SORCS2: variants seen among roughly 807,000 people sequenced by gnomAD.
SORCS2 encodes sortilin related VPS10 domain containing receptor 2.
Under a neutral mutation model 141.6 loss-of-function variants are expected in SORCS2, and 100 were observed. That is an observed-to-expected ratio of 0.71 (90% CI 0.60 to 0.83). The LOEUF (loss-of-function observed/expected upper bound fraction) is 0.83. SORCS2 is among the 40% of genes least tolerant of loss of function. The pLI is 0.00. For synonymous variants in SORCS2, 789 were observed against 676.9 expected (o/e 1.17, Z -2.57); for missense variants, 1,646 against 1,560.2 (o/e 1.05, Z -0.93).
chr4:7,483,989 C>T (rs991648792), intron 2 of SORCS2, among the ~76,000 whole-genome samples: 1 of 152,210 alleles, frequency 6.6e-6, no homozygotes. Flanking sequence ...TTCAAATGCA[C>T]GTCTTCAAAG....
intron 2 of SORCS2, among the ~76,000 whole-genome samples, chr4:7,480,787 G>T (rs183881243): frequency 1.3e-5 from 2 of 152,250 alleles, no homozygotes; most frequent in Non-Finnish European, 2.9e-5. Flanking sequence ...CGCCAGGGCC[G>T]CAGGCCGGTG....
At chr4:7,305,726 C>T (rs866364176) in intron 1 of SORCS2, among the ~76,000 whole-genome samples, 22 of 152,186 alleles carry the variant, frequency 1.4e-4, no homozygotes, top group Non-Finnish European at 3.1e-4. Context: ...GAGACCTTCT[C>T]GATGCCGCTT....
At chr4:7,318,816 C>A (rs977810499) in intron 1 of SORCS2, among the ~76,000 whole-genome samples, 2 of 152,170 alleles carry the variant, frequency 1.3e-5, no homozygotes, top group African/African-American at 4.8e-5. Context: ...ATAATCATAT[C>A]AATACCATCA....
chr4:7,563,766 A>T (rs1280647413), intron 3 of SORCS2, among the ~76,000 whole-genome samples: 1 of 152,238 alleles, frequency 6.6e-6, no homozygotes, highest in Non-Finnish European at 1.5e-5. Context: ...TCAGAGAATC[A>T]TGCTTGTTTA....
rs1315026524 is a variant in SORCS2, at chr4:7,565,852, GGTGATGA to G, written c.648+34224_648+34230del. Among the ~76,000 whole-genome samples the G allele has an allele frequency of 2.4e-3, 356 of 150,148 alleles. 27 individuals are homozygous for G. The highest frequency in any genetic ancestry group is 8.9e-4 in the Non-Finnish European group (60 of 67,268). ...TGATGATGATGGTGATGGTGATGAT[GGTGATGA>G]TGGTGATGATGTGATGATGGAGATG... On this transcript the variant is annotated intron_variant, in intron 3 of 26. Coordinates refer to ENST00000507866, the MANE Select transcript of SORCS2 (RefSeq NM_020777.3).
At chr4:7,640,203 T>C (rs1720605550) in intron 4 of SORCS2, among the ~76,000 whole-genome samples, 2 of 147,682 alleles carry the variant, frequency 1.4e-5, no homozygotes, top group Admixed American at 1.4e-4. Flanking sequence ...AGTGTGAGTG[T>C]GTACATGTAT....
At chr4:7,393,529 A>G (rs923193762) in intron 1 of SORCS2, among the ~76,000 whole-genome samples, 3 of 152,204 alleles carry the variant, frequency 2.0e-5, no homozygotes, top group Admixed American at 2.0e-4. Context: ...CCTGGGATCA[A>G]ATTCTAGCTC....
At chr4:7,601,575 C>T (rs935449740) in intron 3 of SORCS2, among the ~76,000 whole-genome samples, 3 of 138,346 alleles carry the variant, frequency 2.2e-5, no homozygotes, top group Admixed American at 7.9e-5. Context: ...GCTGAGATCA[C>T]ACCACTGCAC....
intron 2 of SORCS2, among the ~76,000 whole-genome samples, chr4:7,490,119 T>G (rs993181600): frequency 2.0e-5 from 3 of 152,118 alleles, no homozygotes; most frequent in Admixed American, 2.0e-4. Context: ...CCTGGCTGGC[T>G]GGGGAGGGGT....
intron 1 of SORCS2, among the ~76,000 whole-genome samples, chr4:7,199,247 G>T (rs767792663): frequency 6.6e-6 from 1 of 152,208 alleles, no homozygotes. Context: ...GGTCCAAAGC[G>T]GGGTGGGGGC....
chr4:7,376,005 T>C (rs1722621189), intron 1 of SORCS2, among the ~76,000 whole-genome samples: 1 of 152,194 alleles, frequency 6.6e-6, no homozygotes, highest in Non-Finnish European at 1.5e-5. Flanking sequence ...CTTAGAAAGT[T>C]CTAGGTAAAT....
At chr4:7,713,911 C>A (rs965499100) in intron 15 of SORCS2, among the ~76,000 whole-genome samples, 1 of 152,194 alleles carries the variant, frequency 6.6e-6, no homozygotes, top group African/African-American at 2.4e-5. Context: ...TGTGAGCCCT[C>A]GAGGGCGTGG....
At chr4:7,658,837 G>C (rs879385698) in intron 5 of SORCS2, among the ~76,000 whole-genome samples, 13 of 152,228 alleles carry the variant, frequency 8.5e-5, no homozygotes, top group African/African-American at 3.1e-4. Flanking sequence ...ATGGGAAACT[G>C]TCAGTGGTGG....
At position 7,517,909 on chromosome 4, in the gene SORCS2, A is replaced by G. The variant is rs141630084; in HGVS notation, c.549-13621A>G. The stretch of plus-strand genomic sequence containing the variant: ...CACTCTGTTTGCAGAACAGATTTGA[A>G]AAAGTTCAGCCTAAGGAATGACCTG... On this transcript the variant is annotated intron_variant, in intron 2 of 26. Transcript: ENST00000507866. 2.4e-3 allele frequency among the ~76,000 whole-genome samples: 372 copies of G among 152,370 alleles called. 1 individual carries two copies. The highest frequency in any genetic ancestry group is 3.3e-3 in the Non-Finnish European group (226 of 68,038).
At chr4:7,314,829 T>TTTTTTTTTTTTTTTTTTTG (rs1560185676) in intron 1 of SORCS2, among the ~76,000 whole-genome samples, 2 of 116,516 alleles carry the variant, frequency 1.7e-5, no homozygotes, top group African/African-American at 7.1e-5. Context: ...TTTTTTTTTT[T>TTTTTTTTTTTTTTTTTTTG]ATTGTTGTTG....
chr4:7,667,230 T>C lies in SORCS2; in HGVS notation c.1161+17T>C, dbSNP rs568058317. 1 of 1,610,900 alleles carries C rather than the reference T, an allele frequency of 6.2e-7. No homozygotes were observed. Among genetic ancestry groups the C allele is most frequent in the South Asian group, 1.1e-5 (1 of 91,000 alleles). On this transcript the variant is annotated intron_variant, in intron 8 of 26. Coordinates refer to ENST00000507866, the MANE Select transcript of SORCS2 (RefSeq NM_020777.3). ...TTGCCAAAGGTAAGGTGCTCCCCAT[T>C]CCGCCTGGTCCTGTGGCCAGACCCT... is the stretch of plus-strand genomic sequence containing the variant.
chr4:7,325,058 G>A (rs1482254740), intron 1 of SORCS2, among the ~76,000 whole-genome samples: 1 of 152,204 alleles, frequency 6.6e-6, no homozygotes, highest in Admixed American at 6.5e-5. Context: ...GGCTGCAGAC[G>A]AGGCTGTCAT....
At chr4:7,231,755 T>A (rs775413345) in intron 1 of SORCS2, among the ~76,000 whole-genome samples, 31 of 152,242 alleles carry the variant, frequency 2.0e-4, no homozygotes, top group Non-Finnish European at 4.1e-4. Flanking sequence ...GACTTCATGA[T>A]GGAGGTGGCC....
chr4:7,373,637 C>CA (rs560221104), intron 1 of SORCS2, among the ~76,000 whole-genome samples: 1,896 of 150,762 alleles, frequency 0.013, 20 homozygotes, highest in African/African-American at 0.023. Context: ...GGATTACAGG[C>CA]CACACTACCA....
Sources: allele counts gnomAD v4.1 joint callset (sites outside exome capture counted in the v4.1 genomes callset), GRCh38; gene constraint gnomAD v4.1.1; transcripts MANE v1.5; gene names NCBI Gene and HGNC (gene_info 2026-07-23, HGNC 2026-07-21).